The following ABCG5 variants were observed in gnomAD, a reference collection of about 807,000 sequenced individuals.
ABCG5 encodes ATP-binding cassette sub-family G member 5.
ABCG5 carries 64 observed loss-of-function variants against 64.5 expected under a neutral mutation model. The ratio of observed to expected loss-of-function variants is 0.99; its 90% confidence interval spans 0.81 to 1.22. The LOEUF (loss-of-function observed/expected upper bound fraction) is 1.22, where lower values mean the gene tolerates loss of function less well. ABCG5 is among the 50% of genes most tolerant of loss of function. The pLI is 0.00. For missense variants in ABCG5, 908 were observed against 829.5 expected (o/e 1.09, Z -1.16); for synonymous variants, 385 against 326.3 (o/e 1.18, Z -1.94).
downstream of ABCG5, among the ~76,000 whole-genome samples, chr2:43,808,711 C>G (rs1219418940): frequency 3.3e-5 from 5 of 152,118 alleles, no homozygotes; most frequent in Admixed American, 6.5e-5. Flanking sequence ...GTATCCTGCC[C>G]TCTCCCTATC....
downstream of ABCG5, chr2:43,809,759 G>C: frequency 1.2e-6 from 2 of 1,611,444 alleles, no homozygotes; most frequent in African/African-American, 2.7e-5. Context: ...AATCGAGCTT[G>C]ATTCTTGAAC....
intron 4 of ABCG5, among the ~76,000 whole-genome samples, chr2:43,828,822 T>C (rs1044330271): frequency 4.6e-5 from 7 of 150,734 alleles, no homozygotes; most frequent in African/African-American, 1.5e-4. Flanking sequence ...AGAAATGAGC[T>C]GGGAGTGGTG....
At chr2:43,826,360 C>T (rs763914615) in intron 6 of ABCG5, 22 bp downstream of exon 6, 6 of 1,613,578 alleles carry the variant, frequency 3.7e-6, no homozygotes, top group Middle Eastern at 1.7e-4. Context: ...TAGACCCGGC[C>T]TTTACGAGTT....
chr2:43,824,363 A>C lies in ABCG5; in HGVS notation c.974T>G (p.Ile325Arg), dbSNP rs777402726. 6.2e-7 allele frequency: 1 copy of C among 1,614,190 alleles called. No individual in the cohort carries two copies. Among genetic ancestry groups the C allele is most frequent in the South Asian group, 1.1e-5 (1 of 91,084 alleles). ...TGCTGATTTCTTGTAGGCAGATTCT[A>C]TCATCTGGACTCTCTTGGAGGTTTC... ...EIETSKRVQM[I>R]ESAYKKSAIC... Residue 325 changes from isoleucine to arginine, a missense_variant, in exon 8 of 13, where the codon ATA becomes AGA. Transcript: ENST00000405322.
intron 5 of ABCG5, among the ~76,000 whole-genome samples, chr2:43,827,298 C>A (rs4557031): frequency 0.23 from 33,709 of 148,864 alleles, 5,115 homozygotes; most frequent in East Asian, 0.81. Flanking sequence ...GCACTCCAGC[C>A]TGGGCAACAA....
chr2:43,821,555 C>T (rs751655827), intron 10 of ABCG5, among the ~76,000 whole-genome samples: 14 of 152,258 alleles, frequency 9.2e-5, no homozygotes, highest in Non-Finnish European at 1.9e-4. Flanking sequence ...CCCCTTCTGC[C>T]ATTCTTTGCC....
chr2:43,830,066 AG>A (rs967852637), intron 4 of ABCG5, among the ~76,000 whole-genome samples: 7 of 152,236 alleles, frequency 4.6e-5, no homozygotes, highest in African/African-American at 1.7e-4. Flanking sequence ...CTGACCAGCC[AG>A]GGTAGATTCC....
chr2:43,816,426 A>G (rs543624670), intron 11 of ABCG5, among the ~76,000 whole-genome samples: 41 of 148,048 alleles, frequency 2.8e-4, no homozygotes, highest in African/African-American at 9.8e-4. Flanking sequence ...GACTTTGTGC[A>G]GGTGGCGGAG....
downstream of ABCG5, among the ~76,000 whole-genome samples, chr2:43,808,683 A>G (rs1572727179): frequency 6.6e-6 from 1 of 152,232 alleles, no homozygotes; most frequent in African/African-American, 2.4e-5. Context: ...ATAGATGTAT[A>G]TAAAATAGAA....
chr2:43,822,851 T>C lies in ABCG5; in HGVS notation c.1409A>G (p.His470Arg). 2 of 1,614,144 alleles carry C rather than the reference T, an allele frequency of 1.2e-6. No homozygotes were observed. The highest frequency in any genetic ancestry group is 8.5e-7 in the Non-Finnish European group (1 of 1,180,028). Residue 470 changes from histidine to arginine, a missense_variant, in exon 10 of 13, where the codon CAC becomes CGC. His to Arg is a conservative substitution (Grantham distance 29). Coordinates refer to ENST00000405322, the MANE Select transcript of ABCG5 (RefSeq NM_022436.3). ...GGCAACAACGCTGAAGGGGAGGACG[T>C]GCAGTGCATAGGCCAGCATCATCTG... ...KWQMMLAYAL[H>R]VLPFSVVATM... is the part of the protein sequence containing the mutation.
rs116177544 is a variant in ABCG5 at position 43,822,117 on chromosome 2, C to G, written c.1463+680G>C. ...GATCATCATTTAAGTAACTGCCCCTCTTCATCCTACCCTGTAACACCAAGT... is the reference window on the plus strand; with the variant it reads ...GATCATCATTTAAGTAACTGCCCCTGTTCATCCTACCCTGTAACACCAAGT... On this transcript the variant is annotated intron_variant, in intron 10 of 12. Transcript: ENST00000405322. Among the ~76,000 whole-genome samples the G allele has an allele frequency of 3.1e-3, 476 of 152,290 alleles. 2 individuals are homozygous for G. The highest frequency in any genetic ancestry group is 0.011 in the African/African-American group (468 of 41,548).
At chr2:43,833,198 C>G (rs1019571010) in intron 2 of ABCG5, among the ~76,000 whole-genome samples, 2 of 152,038 alleles carry the variant, frequency 1.3e-5, no homozygotes, top group African/African-American at 4.8e-5. Flanking sequence ...GCCCAGAGTT[C>G]ATGGAGACAG....
rs150002815 is a variant in ABCG5 at position 43,823,917 on chromosome 2, A to T, written c.1320T>A (p.Asn440Lys). 23 of 1,613,978 alleles carry T rather than the reference A, an allele frequency of 1.4e-5. No homozygotes were observed. The Admixed American group carries it at 2.0e-4, about 14-fold the overall frequency. ...CTCCAGCACGTGGGCACTTACACAGATTCACAGCGTTCAGCATGCCTGTGT... is the reference window on the plus strand; with the variant it reads ...CTCCAGCACGTGGGCACTTACACAGTTTCACAGCGTTCAGCATGCCTGTGT... ...TPYTGMLNAV[N>K]LFPVLRAVSD... Residue 440 changes from asparagine (N) to lysine (K), a missense_variant, in exon 9 of 13, where the codon AAT becomes AAA. Coordinates refer to ENST00000405322, the MANE Select transcript of ABCG5 (RefSeq NM_022436.3).
At chr2:43,828,472 C>CAAAAAAA (rs754944007) in intron 4 of ABCG5, 93 of 189,922 alleles carry the variant, frequency 4.9e-4, no homozygotes, top group South Asian at 7.0e-4. Context: ...CCTGTCTCTA[C>CAAAAAAA]AAAAAAAAAA....
intron 2 of ABCG5, among the ~76,000 whole-genome samples, chr2:43,837,174 C>T (rs1357490742): frequency 6.8e-6 from 1 of 146,688 alleles, no homozygotes; most frequent in Non-Finnish European, 1.5e-5. Flanking sequence ...GGCTAGAGTG[C>T]AGTGGCACTA....
At position 43,837,719 on chromosome 2, in the gene ABCG5, T is replaced by C; in HGVS notation, c.265+115A>G. 2.9e-6 allele frequency: 4 copies of C among 1,394,360 alleles called. No individual in the cohort carries two copies. The East Asian group carries it at 9.4e-5, about 33-fold the overall frequency. The allele number at this position is 1,394,360 out of a possible 1,614,324, so 86.4% of individuals were successfully genotyped here. A position where few individuals can be genotyped will look rare whatever the true frequency, so the allele number is the denominator to read the frequency against. On this transcript the variant is annotated intron_variant, in intron 2 of 12. Coordinates refer to ENST00000405322, the MANE Select transcript of ABCG5 (RefSeq NM_022436.3). ...AGTTCCATTCACAGTCAGATATCAA[T>C]AGAATTCATTCTAATATCAAACCTG...
In ABCG5 at chr2:43,812,599, C is replaced by T. The variant is rs1347497766; in HGVS notation, c.*517G>A. The T allele has an allele frequency of 5.9e-6, 1 of 170,476 alleles. No homozygotes were observed. Among genetic ancestry groups the T allele is most frequent in the Non-Finnish European group, 1.3e-5 (1 of 78,920 alleles). 10.6% of individuals were successfully genotyped at this position (170,476 alleles called of 1,614,324 possible). ...TCGATGTGATCAGGTAACTCCGACCCCTCGTGTGGACATCTGCATTTAACT... is the reference window on the plus strand; with the variant it reads ...TCGATGTGATCAGGTAACTCCGACCTCTCGTGTGGACATCTGCATTTAACT... On this transcript the variant is annotated 3_prime_UTR_variant, in exon 13 of 13. Coordinates refer to ENST00000405322, the MANE Select transcript of ABCG5 (RefSeq NM_022436.3).
chr2:43,825,355 G>A (rs538455977), intron 6 of ABCG5, among the ~76,000 whole-genome samples: 5 of 152,236 alleles, frequency 3.3e-5, no homozygotes, highest in Admixed American at 2.6e-4. Flanking sequence ...GAGTGACCTC[G>A]GGCGAGCAGG....
Position 43,813,329 on chromosome 2 carries a change from C to A in ABCG5, c.1763-20G>T, listed in dbSNP as rs753814411. On this transcript the variant is annotated intron_variant, in intron 12 of 12. Transcript: ENST00000405322. ...AGCTGCCTGTCAAGGAAAAGATTGA[C>A]AGTGTCAGGTGTGGTTTATCTCAGG... 4 of 1,557,474 alleles carry A rather than the reference C, an allele frequency of 2.6e-6. No individual in the cohort carries two copies. In the South Asian group the frequency reaches 4.5e-5, roughly 17 times the overall value.
Sources: allele counts gnomAD v4.1 joint callset (sites outside exome capture counted in the v4.1 genomes callset), GRCh38; gene constraint gnomAD v4.1.1; transcripts MANE v1.5; gene names NCBI Gene and HGNC (gene_info 2026-07-23, HGNC 2026-07-21).